KDM5A: variants seen among roughly 807,000 people sequenced by gnomAD.
KDM5A encodes the protein lysine demethylase 5A.
A neutral mutation model predicts 193.5 loss-of-function variants in KDM5A; 42 were observed. The observed-to-expected ratio is 0.22, with a 90% confidence interval of 0.17 to 0.28. KDM5A has a LOEUF of 0.28. KDM5A is among the 10% of genes least tolerant of loss of function. The pLI, the probability that KDM5A is intolerant of heterozygous loss-of-function variation, is 1.00. For synonymous variants in KDM5A, 796 were observed against 718.1 expected, an observed-to-expected ratio of 1.11 and a Z score of -1.73; for missense variants, 1,692 against 2,055.1, an observed-to-expected ratio of 0.82 and a Z score of 3.42.
chr12:383,019 A>C (rs1944593849), intron 3 of KDM5A, among the ~76,000 whole-genome samples: 1 of 152,102 alleles, frequency 6.6e-6, no homozygotes, highest in African/African-American at 2.4e-5. Context: ...TAGGGAATAT[A>C]ATGTTAAAAA....
chr12:282,053 G>A lies in KDM5A; in HGVS notation c.*3403C>T, dbSNP rs952570515. 9 of 307,676 alleles carry A rather than the reference G, an allele frequency of 2.9e-5. No homozygotes were observed. The East Asian group carries it at 4.0e-4, about 14-fold the overall frequency. 19.1% of individuals were successfully genotyped at this position (307,676 alleles called of 1,614,324 possible). ...CTTACAGCTCAGCCTGCACAGAAGC[G>A]CAGAAGCAAAGCCCAGGCAGAACCA... On this transcript the variant is annotated 3_prime_UTR_variant, in exon 28 of 28. Transcript: ENST00000399788.
intron 5 of KDM5A, among the ~76,000 whole-genome samples, chr12:359,352 C>T (rs996598308): frequency 6.6e-6 from 1 of 152,124 alleles, no homozygotes; most frequent in Non-Finnish European, 1.5e-5. Context: ...AACCAGGATC[C>T]CTAGGAAAAA....
At chr12:291,961 G>A (rs1001023337) in intron 27 of KDM5A, among the ~76,000 whole-genome samples, 3 of 147,450 alleles carry the variant, frequency 2.0e-5, no homozygotes, top group Admixed American at 1.4e-4. Context: ...GGAGCACAAT[G>A]GAGCCATCCT....
chr12:371,778 T>G (rs998417677), intron 3 of KDM5A, among the ~76,000 whole-genome samples: 1 of 152,212 alleles, frequency 6.6e-6, no homozygotes, highest in Non-Finnish European at 1.5e-5. Flanking sequence ...TTAATTTTTG[T>G]ATAAGTTGTA....
intron 10 of KDM5A, among the ~76,000 whole-genome samples, chr12:340,694 C>CAAAAAAAAAAAAA (rs375465074): frequency 2.0e-5 from 1 of 51,126 alleles, no homozygotes; most frequent in African/African-American, 6.2e-5. Context: ...GACTCCATCA[C>CAAAAAAAAAAAAA]AAAAAAAAAA....
chr12:325,685 TAAAAC>T (rs1208428133), intron 14 of KDM5A, among the ~76,000 whole-genome samples: 2 of 149,316 alleles, frequency 1.3e-5, no homozygotes, highest in African/African-American at 2.5e-5. Context: ...AATAAATAAA[TAAAAC>T]AAAACAAAAA....
chr12:290,839 A>G (rs1828522354), intron 27 of KDM5A, among the ~76,000 whole-genome samples: 1 of 152,204 alleles, frequency 6.6e-6, no homozygotes, highest in Non-Finnish European at 1.5e-5. Context: ...AAGGAGAAAG[A>G]GTATAAAAAT....
rs957246216 is a variant in KDM5A at position 280,991 on chromosome 12, A to T, written c.*4465T>A. On this transcript the variant is annotated 3_prime_UTR_variant, in exon 28 of 28. Transcript: ENST00000399788. ...CATATACTCACTAGTTTTCCTCAGG[A>T]TTATCAATACTCATTATCAAAATGT... 5 of 232,890 alleles carry T rather than the reference A, an allele frequency of 2.1e-5. No homozygotes were observed. Among genetic ancestry groups the T allele is most frequent in the African/African-American group, 1.1e-4 (5 of 45,328 alleles). The allele number at this position is 232,890 out of a possible 1,614,324, so 14.4% of individuals were successfully genotyped here. A position where few individuals can be genotyped will look rare whatever the true frequency, so the allele number is the denominator to read the frequency against.
chr12:285,128 T>C lies in KDM5A; in HGVS notation c.*328A>G, dbSNP rs1016009372. 3.2e-5 allele frequency: 13 copies of C among 402,876 alleles called. No homozygotes were observed. Among genetic ancestry groups the C allele is most frequent in the Admixed American group, 2.7e-4 (7 of 25,546 alleles). The allele number at this position is 402,876 out of a possible 1,614,324, so 25.0% of individuals were successfully genotyped here. A position where few individuals can be genotyped will look rare whatever the true frequency, so the allele number is the denominator to read the frequency against. Reference sequence around the variant, plus strand: ...TCAGCTGGACAAAAGCCACATCCTATATGCCCTGTTAGCACACCAATGTAT... The same window carrying C: ...TCAGCTGGACAAAAGCCACATCCTACATGCCCTGTTAGCACACCAATGTAT... On this transcript the variant is annotated 3_prime_UTR_variant, in exon 28 of 28. Coordinates refer to ENST00000399788, the MANE Select transcript of KDM5A (RefSeq NM_001042603.3).
intron 3 of KDM5A, among the ~76,000 whole-genome samples, chr12:368,479 C>G (rs1944384617): frequency 6.6e-6 from 1 of 152,144 alleles, no homozygotes; most frequent in Non-Finnish European, 1.5e-5. Context: ...CATCTGTAAT[C>G]CCAGCACTTT....
intron 5 of KDM5A, among the ~76,000 whole-genome samples, chr12:358,700 T>A (rs1479329442): frequency 1.3e-5 from 2 of 152,130 alleles, no homozygotes; most frequent in East Asian, 3.8e-4. Flanking sequence ...AGGCCAGGCA[T>A]GATGACTCAC....
At chr12:295,455 A>C (rs1943358446) in intron 26 of KDM5A, 118 bp downstream of exon 26, 1 of 966,314 alleles carries the variant, frequency 1.0e-6, no homozygotes. Flanking sequence ...CTGAAGTGGG[A>C]AAGTAGACCA....
At chr12:296,224 G>C (rs1431741674) in intron 25 of KDM5A, among the ~76,000 whole-genome samples, 2 of 151,874 alleles carry the variant, frequency 1.3e-5, no homozygotes, top group South Asian at 2.1e-4. Context: ...GGGAGGCTGA[G>C]GGTAGGACAA....
chr12:318,555 T>C (rs1943678464), intron 18 of KDM5A, 94 bp from the exon 19 acceptor site: 1 of 841,526 alleles, frequency 1.2e-6, no homozygotes, highest in East Asian at 2.5e-5. Context: ...CTATCAATTC[T>C]AGACTCTTAT....
Position 383,800 on chromosome 12 carries a change from G to C in KDM5A, c.366+231C>G, listed in dbSNP as rs547887674. ...TTTTGCTCTTGTTGCCCAGGCTGTA[G>C]TACAATGGCGCGATCTCAGCTCACC... On this transcript the variant is annotated intron_variant, in intron 3 of 27. Coordinates refer to ENST00000399788, the MANE Select transcript of KDM5A (RefSeq NM_001042603.3). Among the ~76,000 whole-genome samples the C allele has an allele frequency of 1.9e-4, 28 of 151,324 alleles. No homozygotes were observed. In the South Asian group the frequency reaches 3.8e-3, roughly 20 times the overall value.
At chr12:322,771 C>A (rs1282396566) in intron 16 of KDM5A, among the ~76,000 whole-genome samples, 5 of 152,172 alleles carry the variant, frequency 3.3e-5, no homozygotes, top group African/African-American at 1.2e-4. Flanking sequence ...TAGACAGTTT[C>A]TCTCAGGTAA....
At chr12:326,049 C>G (rs756686734) in intron 14 of KDM5A, among the ~76,000 whole-genome samples, 1 of 152,116 alleles carries the variant, frequency 6.6e-6, no homozygotes, top group Non-Finnish European at 1.5e-5. Context: ...GTCAAGATCA[C>G]GCTAAGTTTT....
intron 3 of KDM5A, among the ~76,000 whole-genome samples, chr12:383,057 C>T (rs1445232546): frequency 1.3e-5 from 2 of 151,874 alleles, no homozygotes. Context: ...AAAAACTTGT[C>T]TAAACTCTTC....
At chr12:332,999 C>G (rs115494611) in intron 12 of KDM5A, 2,094 of 174,690 alleles carry the variant, frequency 0.012, 46 homozygotes, top group African/African-American at 0.046. Context: ...CCTTCTTAAT[C>G]AGATAAAAGT....
Sources: allele counts gnomAD v4.1 joint callset (sites outside exome capture counted in the v4.1 genomes callset), GRCh38; gene constraint gnomAD v4.1.1; transcripts MANE v1.5; gene names NCBI Gene and HGNC (gene_info 2026-07-23, HGNC 2026-07-21).